The following NFKBID variants were observed in gnomAD, a reference collection of about 807,000 sequenced individuals.
NFKBID encodes NF-kappa-B inhibitor delta.
NFKBID carries 26 observed loss-of-function variants against 53.4 expected under a neutral mutation model. The ratio of observed to expected loss-of-function variants is 0.49; its 90% CI spans 0.36 to 0.68. NFKBID has a LOEUF of 0.68. Among genes scored for constraint, NFKBID ranks in the 30% least tolerant of loss-of-function variants. The pLI is 0.00. For missense variants in NFKBID, 493 were observed against 614.1 expected (o/e 0.80, Z 2.08); for synonymous variants, 262 against 259.8 (o/e 1.01, Z -0.08).
Position 35,898,701 on chromosome 19 carries a change from G to A in NFKBID, c.165+18C>T, listed in dbSNP as rs1975365205. The A allele has an allele frequency of 2.0e-6, 3 of 1,533,462 alleles. No individual in the cohort carries two copies. Among genetic ancestry groups the A allele is most frequent in the Non-Finnish European group, 2.6e-6 (3 of 1,144,718 alleles). 95.0% of individuals were successfully genotyped at this position (1,533,462 alleles called of 1,614,324 possible). On this transcript the variant is annotated intron_variant, in intron 2 of 11. Coordinates refer to ENST00000641389, the Ensembl canonical transcript of NFKBID. ...GACAGCACGGGGCCTCCGGAGAGCT[G>A]TGGCTCCCTGGCCTCACCTGCACCC...
At chr19:35,890,310 T>G in intron 10 of NFKBID, 64 bp downstream of exon 10, 2 of 1,064,346 alleles carry the variant, frequency 1.9e-6, no homozygotes, top group Non-Finnish European at 2.9e-6. Flanking sequence ...CCAGGACCCC[T>G]AACATCCCAC....
chr19:35,898,191 T>G (rs1975314035), intron 3 of NFKBID, among the ~76,000 whole-genome samples: 1 of 151,840 alleles, frequency 6.6e-6, no homozygotes, highest in South Asian at 2.1e-4. Flanking sequence ...TCTACAAAAA[T>G]TTAAAAAATT....
Position 35,896,712 on chromosome 19 carries a change from G to A in NFKBID, c.684+14C>T, listed in dbSNP as rs1555776758. Reference sequence around the variant, plus strand: ...CTCCCCTGAACCCAGGAGAGTTCAGGCCCCAAGCCTCACCTTGCCCTTATG... The same window carrying A: ...CTCCCCTGAACCCAGGAGAGTTCAGACCCCAAGCCTCACCTTGCCCTTATG... On this transcript the variant is annotated intron_variant, in intron 6 of 11. Transcript: ENST00000641389. This position sits in a 1 kb window ranked among gnomAD's most constrained non-coding sequence, Gnocchi z 5.7. The A allele has an allele frequency of 8.1e-6, 13 of 1,610,590 alleles. No homozygotes were observed. Among genetic ancestry groups the A allele is most frequent in the African/African-American group, 1.3e-5 (1 of 74,844 alleles).
intron 3 of NFKBID, 104 bp downstream of exon 3, chr19:35,898,368 A>C: frequency 1.4e-6 from 1 of 721,268 alleles, no homozygotes. Context: ...AAAAAAAGGG[A>C]AGAATGAGGG....
At chr19:35,895,952 G>C in intron 9 of NFKBID, 28 bp downstream of exon 9, 2 of 1,600,560 alleles carry the variant, frequency 1.2e-6, no homozygotes, top group Non-Finnish European at 1.7e-6. Context: ...CAATCTCCCA[G>C]GGTCTGACCG....
At position 35,890,328 on chromosome 19, in the gene NFKBID, C is replaced by G. The variant is rs145948451; in HGVS notation, c.1149+46G>C. 571 of 1,345,142 alleles carry G rather than the reference C, an allele frequency of 4.2e-4. 8 individuals carry two copies. The South Asian group carries it at 5.4e-3, about 13-fold the overall frequency. 83.3% of individuals were successfully genotyped at this position (1,345,142 alleles called of 1,614,324 possible). A position where few individuals can be genotyped will look rare whatever the true frequency, so the allele number is the denominator to read the frequency against. Reference sequence around the variant, plus strand: ...GGACCCCTAACATCCCACTGCCCCCCCTACCGTACCCCACACAATCTGCAC... The same window carrying G: ...GGACCCCTAACATCCCACTGCCCCCGCTACCGTACCCCACACAATCTGCAC... On this transcript the variant is annotated intron_variant, in intron 10 of 11. Transcript: ENST00000641389.
At chr19:35,890,530 C>T (rs371587361) in intron 9 of NFKBID, 40 bp from the exon 10 acceptor site, 2 of 1,359,972 alleles carry the variant, frequency 1.5e-6, no homozygotes, top group African/African-American at 1.4e-5. Context: ...GCCAGCCTCA[C>T]ACCTAGGTGC....
chr19:35,900,510 G>C (rs1752888690), exon 1 of NFKBID: 1 of 1,231,902 alleles, frequency 8.1e-7, no homozygotes, highest in East Asian at 3.2e-5. Flanking sequence ...CAGCCTCGCT[G>C]TTTCCCCCGC....
chr19:35,897,485 C>A, intron 4 of NFKBID, 166 bp downstream of exon 4: 2 of 659,720 alleles, frequency 3.0e-6, no homozygotes, highest in Non-Finnish European at 5.5e-6. Flanking sequence ...CTCAAGTGAT[C>A]CGCCTGCCTC....
upstream of NFKBID, chr19:35,900,695 C>G: frequency 8.4e-7 from 1 of 1,186,018 alleles, no homozygotes; most frequent in Non-Finnish European, 1.1e-6. Context: ...GCGGACTACT[C>G]AGTCCCCCCG....
At chr19:35,888,679 A>G in intron 11 of NFKBID, 67 bp from the exon 12 acceptor site, 1 of 1,186,312 alleles carries the variant, frequency 8.4e-7, no homozygotes, top group Non-Finnish European at 1.2e-6. Context: ...AAGGCACGCC[A>G]TGCAGAGGGA....
chr19:35,889,120 G>A (rs1000000698), intron 11 of NFKBID, among the ~76,000 whole-genome samples: 2 of 151,636 alleles, frequency 1.3e-5, no homozygotes, highest in Non-Finnish European at 2.9e-5. Context: ...GGAGGCCAAG[G>A]CGGGAGGATC....
chr19:35,892,997 T>C (rs939598678), intron 9 of NFKBID, among the ~76,000 whole-genome samples: 4 of 152,076 alleles, frequency 2.6e-5, no homozygotes, highest in African/African-American at 7.2e-5. Flanking sequence ...AGACCCCCCC[T>C]CTCTACAAAA....
At chr19:35,888,484 G>T in exon 12 of NFKBID, 1 of 1,047,446 alleles carries the variant, frequency 9.5e-7, no homozygotes, top group Non-Finnish European at 1.5e-6. Flanking sequence ...TCATGGGTTT[G>T]CAACATTAGC....
intron 4 of NFKBID, 122 bp from the exon 5 acceptor site, chr19:35,897,180 T>C: frequency 1.9e-6 from 2 of 1,032,440 alleles, no homozygotes; most frequent in Non-Finnish European, 2.8e-6. Context: ...CACATCTGCA[T>C]GCAGAGCCCC....
At chr19:35,897,093 T>C in intron 4 of NFKBID, 35 bp from the exon 5 acceptor site, 1 of 1,583,802 alleles carries the variant, frequency 6.3e-7, no homozygotes, top group Non-Finnish European at 8.5e-7. Context: ...GAACTGGGTG[T>C]CTGGGGGGTC....
chr19:35,900,807 C>A, upstream of NFKBID: 6 of 274,170 alleles, frequency 2.2e-5, no homozygotes, highest in East Asian at 5.7e-5. Flanking sequence ...CTTTTCTTTT[C>A]TTTTTCTTTT....
chr19:35,898,590 G>T, intron 2 of NFKBID, 58 bp from the exon 3 acceptor site: 1 of 1,436,046 alleles, frequency 7.0e-7, no homozygotes, highest in Non-Finnish European at 9.4e-7. Context: ...ATTCCTCCGG[G>T]TCTGTCTCGG....
chr19:35,896,045 G>A lies in NFKBID; in HGVS notation c.967C>T (p.Gln323Ter). ...ACACAATCCAGCCTGTCTCGGGCCT[G>A]TGTGCTCAGCACCCGGGGACAGAGG... The change falls in exon 9 of 12, where the codon CAG becomes TAG. Residue 323 changes from glutamine (Q) to a stop codon, truncating the protein, a stop_gained. Transcript: ENST00000641389. LOFTEE classifies it high-confidence loss of function. This position sits in a 1 kb window ranked among gnomAD's most constrained non-coding sequence, Gnocchi z 5.7. 1 of 1,614,208 alleles carries A rather than the reference G, an allele frequency of 6.2e-7. No homozygotes were observed. Among genetic ancestry groups the A allele is most frequent in the Non-Finnish European group, 8.5e-7 (1 of 1,180,002 alleles).
Sources: gnomAD v4.1 joint callset for allele counts (sites outside exome capture counted in the v4.1 genomes callset) on GRCh38, gnomAD v4.1.1 for gene constraint, Gnocchi (gnomAD v3.1) non-coding constraint, MANE v1.5 for transcripts, NCBI Gene and HGNC (gene_info 2026-07-23, HGNC 2026-07-21) for gene names.